SAMD12: variants seen among roughly 807,000 people sequenced by gnomAD.
SAMD12 encodes the protein sterile alpha motif domain containing 12.
A neutral mutation model predicts 15.0 loss-of-function variants in SAMD12; 9 were observed. The observed-to-expected ratio is 0.60, with a 90% CI of 0.36 to 1.05. SAMD12 has a LOEUF of 1.05. SAMD12 is among the 50% of genes least tolerant of loss of function. SAMD12 has a pLI of 0.01. For missense variants in SAMD12, 230 were observed against 234.2 expected (o/e 0.98, Z 0.12); for synonymous variants, 86 against 90.1 (o/e 0.96, Z 0.25).
intron 4 of SAMD12, among the ~76,000 whole-genome samples, chr8:118,252,847 G>C (rs1248201570): frequency 1.3e-5 from 2 of 152,132 alleles, no homozygotes; most frequent in Non-Finnish European, 2.9e-5. Context: ...GGGGGATAAG[G>C]CAAGTCCCAC....
intron 3 of SAMD12, among the ~76,000 whole-genome samples, chr8:118,381,149 C>T (rs962433407): frequency 6.6e-6 from 1 of 152,210 alleles, no homozygotes; most frequent in Admixed American, 6.5e-5. Context: ...TAATAAGAAA[C>T]ACTAGTGAGA....
chr8:118,333,321 C>T (rs908410433), intron 4 of SAMD12, among the ~76,000 whole-genome samples: 6 of 152,060 alleles, frequency 3.9e-5, no homozygotes, highest in Non-Finnish European at 7.4e-5. Context: ...TGTGTTATGG[C>T]GCTCCAACCT....
At chr8:118,233,257 C>T (rs1046332522) in intron 4 of SAMD12, among the ~76,000 whole-genome samples, 1 of 152,154 alleles carries the variant, frequency 6.6e-6, no homozygotes, top group Non-Finnish European at 1.5e-5. Context: ...AATTATATTT[C>T]TAGAAACTGT....
chr8:118,521,385 T>C (rs1439790298), intron 2 of SAMD12, among the ~76,000 whole-genome samples: 8 of 152,196 alleles, frequency 5.3e-5, no homozygotes, highest in South Asian at 2.1e-4. Flanking sequence ...CTGTGTTATA[T>C]GTAGGATTTT....
Position 118,464,848 on chromosome 8 carries a change from A to G in SAMD12, c.193-24887T>C, listed in dbSNP as rs1823543428. ...AAAGATTTATCCCACCATAAGAAAC[A>G]GTTTGGAACTCCTCCCAAGTCCTAT... On this transcript the variant is annotated intron_variant, in intron 2 of 3. Coordinates refer to ENST00000314727, the MANE Select transcript of SAMD12 (RefSeq NM_207506.3). Among the ~76,000 whole-genome samples the G allele has an allele frequency of 3.3e-5, 5 of 152,178 alleles. No homozygotes were observed. In the South Asian group the frequency reaches 1.0e-3, roughly 31 times the overall value.
chr8:118,433,151 G>T (rs1216230465), intron 3 of SAMD12, among the ~76,000 whole-genome samples: 1 of 152,122 alleles, frequency 6.6e-6, no homozygotes, highest in African/African-American at 2.4e-5. Context: ...TCCTCCATTT[G>T]CTACTCATTC....
intron 2 of SAMD12, 55 bp downstream of exon 2, chr8:118,580,660 A>T: frequency 2.3e-6 from 3 of 1,324,718 alleles, no homozygotes; most frequent in Non-Finnish European, 3.2e-6. Flanking sequence ...GCTGGACTAC[A>T]ACATATAAAG....
chr8:118,584,488 G>A (rs911327820), intron 1 of SAMD12, among the ~76,000 whole-genome samples: 42 of 151,954 alleles, frequency 2.8e-4, no homozygotes, highest in Admixed American at 2.1e-3. Flanking sequence ...CCCTCTTCTC[G>A]TTTCCCTAAT....
intron 4 of SAMD12, among the ~76,000 whole-genome samples, chr8:118,282,657 T>C (rs1813709633): frequency 6.6e-6 from 1 of 152,188 alleles, no homozygotes; most frequent in Admixed American, 6.5e-5. Flanking sequence ...TTGCTAAAAC[T>C]GGACAGGGAT....
chr8:118,505,324 C>A (rs1824892462), intron 2 of SAMD12, among the ~76,000 whole-genome samples: 1 of 149,524 alleles, frequency 6.7e-6, no homozygotes, highest in Non-Finnish European at 1.5e-5. Flanking sequence ...CTATTGTCTC[C>A]TTTCTTATGG....
chr8:118,552,819 C>A (rs1400973701), intron 2 of SAMD12, among the ~76,000 whole-genome samples: 3 of 152,032 alleles, frequency 2.0e-5, no homozygotes, highest in Non-Finnish European at 4.4e-5. Flanking sequence ...AGCTGATAAG[C>A]AACTTCAGCA....
At chr8:118,372,419 A>G (rs1450185952) in intron 4 of SAMD12, among the ~76,000 whole-genome samples, 1 of 137,918 alleles carries the variant, frequency 7.3e-6, no homozygotes, top group Non-Finnish European at 1.6e-5. Flanking sequence ...ACAAAGATGC[A>G]GTATTTTTTT....
At chr8:118,422,660 G>A (rs1043462034) in intron 3 of SAMD12, among the ~76,000 whole-genome samples, 3 of 152,168 alleles carry the variant, frequency 2.0e-5, no homozygotes, top group Non-Finnish European at 4.4e-5. Context: ...GTTTGGTTCA[G>A]TCCGGTTTAA....
intron 2 of SAMD12, among the ~76,000 whole-genome samples, chr8:118,482,544 GCAA>G (rs1824158306): frequency 6.6e-6 from 1 of 152,018 alleles, no homozygotes; most frequent in Admixed American, 6.5e-5. Flanking sequence ...ATGCAGTATA[GCAA>G]CTATTTATAC....
chr8:118,460,220 A>G (rs534716064), intron 2 of SAMD12, among the ~76,000 whole-genome samples: 1 of 152,324 alleles, frequency 6.6e-6, no homozygotes, highest in East Asian at 1.9e-4. Context: ...CATAATTGTC[A>G]TGTCCTATAA....
chr8:118,142,252 G>A, the SAMD12 span, among the ~76,000 whole-genome samples: 2 of 152,098 alleles, frequency 1.3e-5, no homozygotes, highest in African/African-American at 2.4e-5. Flanking sequence ...GCCATAAACC[G>A]AAATGACATT....
intron 2 of SAMD12, among the ~76,000 whole-genome samples, chr8:118,486,682 T>C (rs555785767): frequency 4.6e-5 from 7 of 152,036 alleles, no homozygotes; most frequent in Admixed American, 1.3e-4. Context: ...GAAATCAGTG[T>C]TGGTTTAAGC....
intron 4 of SAMD12, among the ~76,000 whole-genome samples, chr8:118,319,237 C>CA (rs1180875321): frequency 3.3e-5 from 5 of 152,064 alleles, no homozygotes; most frequent in African/African-American, 1.2e-4. Context: ...GGGATGGTGG[C>CA]AGTGTCTAAA....
intron 4 of SAMD12, among the ~76,000 whole-genome samples, chr8:118,230,152 T>C (rs1812276269): frequency 6.6e-6 from 1 of 152,132 alleles, no homozygotes; most frequent in South Asian, 2.1e-4. Flanking sequence ...CAACGTTTAA[T>C]GAGGGCTTGC....
Sources: gnomAD v4.1 joint callset for allele counts (sites outside exome capture counted in the v4.1 genomes callset) on GRCh38, gnomAD v4.1.1 for gene constraint, MANE v1.5 for transcripts, NCBI Gene and HGNC (gene_info 2026-07-23, HGNC 2026-07-21) for gene names.